The following SPAG16 variants were observed in gnomAD, a reference collection of about 807,000 sequenced individuals.
SPAG16 encodes sperm associated antigen 16.
SPAG16 carries 86 observed loss-of-function variants against 80.4 expected under a neutral mutation model. The observed-to-expected ratio is 1.07, with a 90% CI of 0.90 to 1.28. The LOEUF (loss-of-function observed/expected upper bound fraction) is 1.28. SPAG16 is among the 50% of genes most tolerant of loss of function. The pLI is 0.00. For missense variants in SPAG16, 870 were observed against 765.3 expected (o/e 1.14, Z -1.61); for synonymous variants, 294 against 265.9 (o/e 1.11, Z -1.03).
intron 15 of SPAG16, among the ~76,000 whole-genome samples, chr2:214,407,121 T>A (rs1015896144): frequency 2.4e-4 from 36 of 152,198 alleles, no homozygotes; most frequent in African/African-American, 8.4e-4. Flanking sequence ...ATCTGTATTT[T>A]AAAATACCTT....
intron 14 of SPAG16, among the ~76,000 whole-genome samples, chr2:214,146,753 C>T (rs2055658009): frequency 6.6e-6 from 1 of 152,242 alleles, no homozygotes; most frequent in East Asian, 1.9e-4. Flanking sequence ...GTAATCCCAG[C>T]ACTTTGGGAG....
At chr2:213,336,311 A>C (rs1395605703) in intron 5 of SPAG16, among the ~76,000 whole-genome samples, 1 of 152,194 alleles carries the variant, frequency 6.6e-6, no homozygotes, top group Non-Finnish European at 1.5e-5. Flanking sequence ...CAGTATTTGC[A>C]TACTCCAGCT....
At chr2:213,727,600 C>T (rs751072431) in intron 10 of SPAG16, among the ~76,000 whole-genome samples, 7 of 152,102 alleles carry the variant, frequency 4.6e-5, no homozygotes, top group Admixed American at 1.3e-4. Context: ...ATAGCAATTG[C>T]GTTAGTGTGA....
At chr2:213,807,553 A>T (rs920630453) in intron 10 of SPAG16, among the ~76,000 whole-genome samples, 3 of 152,164 alleles carry the variant, frequency 2.0e-5, no homozygotes, top group African/African-American at 7.2e-5. Context: ...GGCTAGGCAC[A>T]ATGTTTTACC....
In SPAG16 at chr2:214,410,440, A is replaced by G. The variant is rs1702233607; in HGVS notation, c.*125A>G. ...TAACATTTACAGTCTGCTTTAAAAC[A>G]TGCTTTGGACATATATTTTAGTGCT... On this transcript the variant is annotated 3_prime_UTR_variant, in exon 16 of 16. Coordinates refer to ENST00000331683, the MANE Select transcript of SPAG16 (RefSeq NM_024532.5). The G allele has an allele frequency of 1.1e-6, 1 of 876,384 alleles. No individual in the cohort carries two copies. The highest frequency in any genetic ancestry group is 1.7e-5 in the African/African-American group (1 of 59,402). 54.3% of individuals were successfully genotyped at this position (876,384 alleles called of 1,614,324 possible).
intron 9 of SPAG16, among the ~76,000 whole-genome samples, chr2:213,386,117 T>C (rs1404518444): frequency 1.3e-5 from 2 of 152,176 alleles, no homozygotes; most frequent in Non-Finnish European, 2.9e-5. Flanking sequence ...TTTTACTAGT[T>C]TATTCAGTTC....
chr2:213,613,248 C>A (rs553541061), intron 10 of SPAG16, among the ~76,000 whole-genome samples: 1 of 152,302 alleles, frequency 6.6e-6, no homozygotes, highest in Admixed American at 6.5e-5. Flanking sequence ...CAGAGTAATT[C>A]TATTAAAATA....
At chr2:214,111,466 C>T (rs1482631952) in intron 14 of SPAG16, among the ~76,000 whole-genome samples, 1 of 152,084 alleles carries the variant, frequency 6.6e-6, no homozygotes, top group Non-Finnish European at 1.5e-5. Flanking sequence ...TTTCTGAGGG[C>T]TCTGTTCTGT....
chr2:213,562,659 G>A (rs374037320), intron 10 of SPAG16, among the ~76,000 whole-genome samples: 1 of 150,776 alleles, frequency 6.6e-6, no homozygotes, highest in Non-Finnish European at 1.5e-5. Context: ...CTGGTGCCTG[G>A]GAAAGCCAAT....
intron 15 of SPAG16, among the ~76,000 whole-genome samples, chr2:214,267,847 G>A (rs375621763): frequency 1.1e-4 from 16 of 151,758 alleles, no homozygotes; most frequent in African/African-American, 3.4e-4. Context: ...CAGATTGAAA[G>A]CTTCTGCACA....
intron 10 of SPAG16, among the ~76,000 whole-genome samples, chr2:213,773,519 G>T (rs536300482): frequency 2.0e-5 from 3 of 152,028 alleles, no homozygotes; most frequent in Non-Finnish European, 2.9e-5. Context: ...TCCTGGGAAT[G>T]GTGTTTCTTT....
chr2:214,051,670 G>A (rs1397354), intron 13 of SPAG16, among the ~76,000 whole-genome samples: 62,463 of 152,032 alleles, frequency 0.41, 14,296 homozygotes, highest in Admixed American at 0.52. Flanking sequence ...TGCTCCTAGA[G>A]TAGGTGAGCC....
In SPAG16 at chr2:213,999,444, A is replaced by G. The variant is rs546908467; in HGVS notation, c.1401-14507A>G. ...CCTTTGCCTAGATTTGAGAACATGT[A>G]TGGAAATGCCTGGATGTCCAGGCAG... On this transcript the variant is annotated intron_variant, in intron 12 of 15. Transcript: ENST00000331683. Among the ~76,000 whole-genome samples, 7 of 152,358 alleles carry G rather than the reference A, an allele frequency of 4.6e-5. No individual in the cohort carries two copies. The South Asian group carries it at 1.2e-3, about 27-fold the overall frequency.
intron 12 of SPAG16, among the ~76,000 whole-genome samples, chr2:213,950,684 CTCT>C (rs2079712263): frequency 7.8e-6 from 1 of 127,584 alleles, no homozygotes; most frequent in Non-Finnish European, 1.7e-5. Flanking sequence ...TTCCTTCTCT[CTCT>C]TTTCTTTTTT....
intron 12 of SPAG16, among the ~76,000 whole-genome samples, chr2:214,013,200 T>A (rs1046564026): frequency 2.1e-4 from 32 of 151,722 alleles, no homozygotes; most frequent in African/African-American, 7.5e-4. Context: ...TTTTTTGGTT[T>A]AAGTAATTAA....
At chr2:213,714,865 T>G (rs2066161508) in intron 10 of SPAG16, among the ~76,000 whole-genome samples, 1 of 152,190 alleles carries the variant, frequency 6.6e-6, no homozygotes. Flanking sequence ...TGATGTAGTT[T>G]TCATTAAGTG....
At chr2:213,506,812 G>T (rs2074988249) in intron 10 of SPAG16, among the ~76,000 whole-genome samples, 1 of 152,130 alleles carries the variant, frequency 6.6e-6, no homozygotes, top group African/African-American at 2.4e-5. Context: ...AGCTTGATTT[G>T]CTGCCTTAAA....
chr2:214,238,569 C>T (rs1385671447), intron 15 of SPAG16: 1 of 151,140 alleles, frequency 6.6e-6, no homozygotes, highest in Non-Finnish European at 1.5e-5. Flanking sequence ...GTAATATATG[C>T]TGAAGATACT....
chr2:214,174,771 A>T (rs1236468163), intron 15 of SPAG16, among the ~76,000 whole-genome samples: 1 of 151,730 alleles, frequency 6.6e-6, no homozygotes, highest in African/African-American at 2.4e-5. Context: ...CTCTGGGCAT[A>T]AACATCTAGC....
Sources: allele counts gnomAD v4.1 joint callset (sites outside exome capture counted in the v4.1 genomes callset), GRCh38; gene constraint gnomAD v4.1.1; transcripts MANE v1.5; gene names NCBI Gene and HGNC (gene_info 2026-07-23, HGNC 2026-07-21).